PTK2: variants seen among roughly 807,000 people sequenced by gnomAD.
The protein encoded by PTK2 is focal adhesion kinase 1.
In PTK2, 45 loss-of-function variants were observed where a neutral mutation model predicts 150.1. The ratio of observed to expected loss-of-function variants is 0.30; its 90% CI spans 0.24 to 0.38. The LOEUF is 0.38. Ranked by LOEUF, PTK2 falls within the 10% of genes least tolerant of loss-of-function variation. PTK2 has a pLI of 1.00. For missense variants in PTK2, 919 were observed against 1,307.3 expected, an observed-to-expected ratio of 0.70 and a Z score of 4.58; for synonymous variants, 432 against 449.2, an observed-to-expected ratio of 0.96 and a Z score of 0.48.
chr8:140,855,308 G>A (rs1035528277), intron 5 of PTK2, among the ~76,000 whole-genome samples: 1 of 152,090 alleles, frequency 6.6e-6, no homozygotes, highest in Admixed American at 6.5e-5. Context: ...AAAAAAAGGG[G>A]GGGGTCGCCA....
At chr8:140,762,439 C>CT (rs2100069924) in intron 15 of PTK2, 51 bp from the exon 18 acceptor site, 6 of 1,001,450 alleles carry the variant, frequency 6.0e-6, no homozygotes, top group Non-Finnish European at 1.3e-6. Context: ...TTAGAAATAA[C>CT]TAACAGCAAT....
intron 22 of PTK2, among the ~76,000 whole-genome samples, chr8:140,731,021 C>A (rs899799399): frequency 3.0e-5 from 4 of 134,346 alleles, no homozygotes; most frequent in Admixed American, 1.6e-4. Flanking sequence ...TGCAATGGCG[C>A]AATACCGGCT....
At chr8:140,761,189 T>G (rs1439865212) in exon 16 of PTK2, 1 of 1,611,556 alleles carries the variant, frequency 6.2e-7, no homozygotes, top group East Asian at 2.2e-5. Flanking sequence ...TGCCTTGATG[T>G]ACATCTCCAA....
chr8:140,681,542 CGGGCAG>C (rs555622275), intron 27 of PTK2, among the ~76,000 whole-genome samples: 126 of 151,200 alleles, frequency 8.3e-4, no homozygotes, highest in South Asian at 1.7e-3. Context: ...GAGGCGGAGG[CGGGCAG>C]GGGGGGATCA....
intron 11 of PTK2, among the ~76,000 whole-genome samples, chr8:140,803,096 C>A (rs1460069630): frequency 7.1e-6 from 1 of 141,264 alleles, no homozygotes; most frequent in Non-Finnish European, 1.5e-5. Flanking sequence ...CTCACTGCAA[C>A]CTCTGCCTCC....
At chr8:140,899,414 G>A (rs1225629926) in intron 2 of PTK2, among the ~76,000 whole-genome samples, 1 of 151,908 alleles carries the variant, frequency 6.6e-6, no homozygotes, top group Non-Finnish European at 1.5e-5. Context: ...TTGAAAAGCT[G>A]GAATAAATTG....
chr8:140,894,726 G>A (rs767492327), intron 2 of PTK2, among the ~76,000 whole-genome samples: 9 of 152,194 alleles, frequency 5.9e-5, no homozygotes, highest in Non-Finnish European at 1.2e-4. Context: ...CCACAAAGTA[G>A]AAATGGGAGT....
intron 12 of PTK2, among the ~76,000 whole-genome samples, chr8:140,795,601 C>A (rs996010799): frequency 6.6e-6 from 1 of 152,178 alleles, no homozygotes; most frequent in African/African-American, 2.4e-5. Context: ...TATTTATTTT[C>A]TCTATTAATT....
chr8:140,710,623 A>C (rs1055597797), intron 23 of PTK2, among the ~76,000 whole-genome samples: 21 of 152,128 alleles, frequency 1.4e-4, no homozygotes, highest in African/African-American at 4.6e-4. Context: ...GTGAGCCGAG[A>C]TCGCACCATG....
At chr8:140,755,874 T>C (rs2100065386) in intron 16 of PTK2, among the ~76,000 whole-genome samples, 1 of 152,204 alleles carries the variant, frequency 6.6e-6, no homozygotes, top group African/African-American at 2.4e-5. Context: ...TCAAGAATGC[T>C]TGATAAAATA....
chr8:140,879,702 CCAAAA>C, intron 3 of PTK2, 65 bp from the exon 4 acceptor site: 1 of 661,576 alleles, frequency 1.5e-6, no homozygotes, highest in South Asian at 4.1e-5. Flanking sequence ...AAAAAAAAAA[CCAAAA>C]CAAAACAAAA....
At chr8:140,900,729 G>A (rs3952980) in intron 2 of PTK2, among the ~76,000 whole-genome samples, 145,605 of 151,132 alleles carry the variant, frequency 0.96, 70,346 homozygotes, top group South Asian at 1. Flanking sequence ...CAAAAAGAGA[G>A]AAAAAAAAGG....
At chr8:140,977,931 A>G (rs2100189906) in intron 1 of PTK2, among the ~76,000 whole-genome samples, 1 of 152,210 alleles carries the variant, frequency 6.6e-6, no homozygotes, top group African/African-American at 2.4e-5. Context: ...AACAGAACAG[A>G]GCCCTCAGAA....
At chr8:140,789,667 T>C in intron 13 of PTK2, 141 bp from the exon 14 acceptor site, 3 of 699,852 alleles carry the variant, frequency 4.3e-6, no homozygotes, top group Non-Finnish European at 7.3e-6. Context: ...GATTCTACTA[T>C]TAAAATAGCC....
At chr8:140,746,254 C>T (rs966860654) in intron 18 of PTK2, among the ~76,000 whole-genome samples, 1 of 152,018 alleles carries the variant, frequency 6.6e-6, no homozygotes, top group Non-Finnish European at 1.5e-5. Context: ...TCGCTTGAGC[C>T]CAGGAGGTCG....
chr8:140,675,486 T>C, exon 28 of PTK2: 1 of 1,611,808 alleles, frequency 6.2e-7, no homozygotes, highest in Non-Finnish European at 8.5e-7. Flanking sequence ...CTGATATATA[T>C]GTTGGTTTCC....
At chr8:140,741,198 T>C (rs539033345) in intron 20 of PTK2, among the ~76,000 whole-genome samples, 1 of 152,066 alleles carries the variant, frequency 6.6e-6, no homozygotes, top group Non-Finnish European at 1.5e-5. Context: ...ACGCCTGTAA[T>C]CCCAGCACTT....
intron 12 of PTK2, chr8:140,799,112 C>T (rs560785317): frequency 1.1e-4 from 16 of 152,336 alleles, no homozygotes; most frequent in Admixed American, 9.8e-4. Context: ...AGGCTCATGG[C>T]TTCAGCTGCT....
chr8:140,684,197 A>G (rs1313303154), intron 27 of PTK2, among the ~76,000 whole-genome samples: 1 of 152,172 alleles, frequency 6.6e-6, no homozygotes, highest in Non-Finnish European at 1.5e-5. Context: ...CGTGGAAGAC[A>G]ATTTTTCCAC....
Sources: allele counts gnomAD v4.1 joint callset (sites outside exome capture counted in the v4.1 genomes callset), GRCh38; gene constraint gnomAD v4.1.1; transcripts MANE v1.5; gene names NCBI Gene and HGNC (gene_info 2026-07-23, HGNC 2026-07-21).